PDZRN4: variants seen among roughly 807,000 people sequenced by gnomAD.
PDZRN4 encodes PDZ domain containing ring finger 4, also known as PDZ domain-containing RING finger protein 4.
PDZRN4 carries 70 observed loss-of-function variants against 99.0 expected under a neutral mutation model. That is an observed-to-expected ratio of 0.71 (90% CI 0.58 to 0.86). The LOEUF (loss-of-function observed/expected upper bound fraction) is 0.86. PDZRN4 is among the 40% of genes least tolerant of loss of function. PDZRN4 has a pLI of 0.00. For synonymous variants in PDZRN4, 551 were observed against 501.6 expected, an observed-to-expected ratio of 1.10 and a Z score of -1.32; for missense variants, 1,474 against 1,331.2, an observed-to-expected ratio of 1.11 and a Z score of -1.67.
At chr12:41,536,736 G>GA (rs1246983901) in intron 5 of PDZRN4, among the ~76,000 whole-genome samples, 1 of 131,732 alleles carries the variant, frequency 7.6e-6, no homozygotes, top group Non-Finnish European at 1.6e-5. Context: ...AAAACTGCCT[G>GA]AAAAAAATAA....
At chr12:41,458,829 G>C (rs1389897026) in intron 3 of PDZRN4, among the ~76,000 whole-genome samples, 1 of 152,168 alleles carries the variant, frequency 6.6e-6, no homozygotes, top group Non-Finnish European at 1.5e-5. Context: ...GCAGTGAAGG[G>C]AAGCCAGGCC....
chr12:41,368,223 G>T (rs1952016182), intron 3 of PDZRN4, among the ~76,000 whole-genome samples: 1 of 152,024 alleles, frequency 6.6e-6, no homozygotes, highest in African/African-American at 2.4e-5. Context: ...ACAATTTGTT[G>T]CCACTCTGTC....
chr12:41,511,986 G>A (rs1003331871), intron 5 of PDZRN4, among the ~76,000 whole-genome samples: 8 of 152,106 alleles, frequency 5.3e-5, no homozygotes, highest in Non-Finnish European at 1.2e-4. Context: ...AGCTCTAGGA[G>A]CGGGATGGAT....
chr12:41,199,681 T>TA (rs1461012170), intron 3 of PDZRN4, among the ~76,000 whole-genome samples: 2 of 152,080 alleles, frequency 1.3e-5, no homozygotes, highest in African/African-American at 4.8e-5. Context: ...TGTGCCACCA[T>TA]AAAAAACAAG....
intron 3 of PDZRN4, among the ~76,000 whole-genome samples, chr12:41,216,969 A>G (rs538704802): frequency 8.5e-5 from 13 of 152,202 alleles, no homozygotes; most frequent in South Asian, 2.1e-4. Flanking sequence ...TATTTGTCTC[A>G]TGAAGAAATC....
intron 3 of PDZRN4, among the ~76,000 whole-genome samples, chr12:41,216,042 C>T (rs1436668822): frequency 6.6e-6 from 1 of 151,892 alleles, no homozygotes. Context: ...CTCATTCTAT[C>T]AATTTCTTTT....
chr12:41,215,176 ATGCATT>A (rs1439688399), intron 3 of PDZRN4, among the ~76,000 whole-genome samples: 3 of 152,052 alleles, frequency 2.0e-5, no homozygotes, highest in African/African-American at 7.2e-5. Context: ...ACCATTAGGG[ATGCATT>A]TGTTTAAGTT....
intron 3 of PDZRN4, among the ~76,000 whole-genome samples, chr12:41,476,786 C>A (rs1373075384): frequency 6.6e-6 from 1 of 152,202 alleles, no homozygotes; most frequent in Admixed American, 6.5e-5. Context: ...GCCTGCCTGG[C>A]GGCCTCGATC....
intron 3 of PDZRN4, among the ~76,000 whole-genome samples, chr12:41,367,839 G>A (rs908752045): frequency 1.3e-5 from 2 of 151,810 alleles, no homozygotes; most frequent in African/African-American, 2.4e-5. Flanking sequence ...ACAAAAACAA[G>A]GAAAAAAAAT....
At chr12:41,346,232 G>A (rs1951853582) in intron 3 of PDZRN4, among the ~76,000 whole-genome samples, 1 of 152,174 alleles carries the variant, frequency 6.6e-6, no homozygotes, top group African/African-American at 2.4e-5. Flanking sequence ...GGAGGCCGAG[G>A]CGGGCAGATC....
intron 3 of PDZRN4, among the ~76,000 whole-genome samples, chr12:41,450,730 T>G (rs1025281553): frequency 1.3e-5 from 2 of 152,074 alleles, no homozygotes; most frequent in African/African-American, 4.8e-5. Context: ...GAAACCAGCC[T>G]GGCCAACATA....
intron 3 of PDZRN4, among the ~76,000 whole-genome samples, chr12:41,391,036 G>C (rs1283269691): frequency 1.3e-5 from 2 of 152,112 alleles, no homozygotes; most frequent in African/African-American, 4.8e-5. Context: ...TGTTCCCGGA[G>C]TATTACAACT....
chr12:41,418,133 G>A (rs781270809), intron 3 of PDZRN4, among the ~76,000 whole-genome samples: 8 of 152,130 alleles, frequency 5.3e-5, no homozygotes, highest in Non-Finnish European at 8.8e-5. Context: ...TTCTGCAGCA[G>A]ATTATCATTT....
intron 3 of PDZRN4, among the ~76,000 whole-genome samples, chr12:41,217,420 C>T (rs953986943): frequency 2.6e-5 from 4 of 151,954 alleles, no homozygotes; most frequent in African/African-American, 9.7e-5. Context: ...CCTGGTCCTG[C>T]TCTAAGGCTT....
chr12:41,386,963 C>A (rs1019065774), intron 3 of PDZRN4, among the ~76,000 whole-genome samples: 3 of 152,262 alleles, frequency 2.0e-5, no homozygotes, highest in Admixed American at 2.0e-4. Context: ...ACAACACTTA[C>A]AAAAATTAAC....
chr12:41,273,354 G>A (rs1248217728), intron 3 of PDZRN4, among the ~76,000 whole-genome samples: 2 of 152,084 alleles, frequency 1.3e-5, no homozygotes, highest in Non-Finnish European at 2.9e-5. Flanking sequence ...AAACCTGGTT[G>A]TGGAGAGTGT....
chr12:41,202,349 A>G (rs943573563), intron 3 of PDZRN4, among the ~76,000 whole-genome samples: 1 of 152,090 alleles, frequency 6.6e-6, no homozygotes, highest in African/African-American at 2.4e-5. Context: ...TCGTAAGTAC[A>G]TGCTGTTGTA....
At chr12:41,327,812 CTG>C (rs150017109) in intron 3 of PDZRN4, among the ~76,000 whole-genome samples, 46 of 151,098 alleles carry the variant, frequency 3.0e-4, no homozygotes, top group Non-Finnish European at 2.7e-4. Flanking sequence ...ATGTGTGTGT[CTG>C]TGTGTGTGTG....
intron 3 of PDZRN4, among the ~76,000 whole-genome samples, chr12:41,381,035 A>T (rs150193803): frequency 6.6e-6 from 1 of 152,196 alleles, no homozygotes; most frequent in South Asian, 2.1e-4. Flanking sequence ...TCAATATTTT[A>T]AACATATCAC....
Sources: gnomAD v4.1 joint callset for allele counts (sites outside exome capture counted in the v4.1 genomes callset) on GRCh38, gnomAD v4.1.1 for gene constraint, MANE v1.5 for transcripts, NCBI Gene and HGNC (gene_info 2026-07-23, HGNC 2026-07-21) for gene names.